Variants in FOXO1 observed in about 807,000 individuals in gnomAD.
FOXO1 encodes forkhead box O1.
FOXO1 carries 6 observed loss-of-function variants against 44.1 expected under a neutral mutation model. The ratio of observed to expected loss-of-function variants is 0.14; its 90% CI spans 0.07 to 0.27. FOXO1 has a LOEUF of 0.27. Ranked by LOEUF, FOXO1 falls within the 10% of genes least tolerant of loss-of-function variation. FOXO1 has a pLI of 1.00. For missense variants in FOXO1, 737 were observed against 888.8 expected (o/e 0.83, Z 2.17); for synonymous variants, 380 against 362.7 (o/e 1.05, Z -0.54).
chr13:40,575,958 G>T (rs1874728115), intron 1 of FOXO1, among the ~76,000 whole-genome samples: 1 of 152,184 alleles, frequency 6.6e-6, no homozygotes, highest in African/African-American at 2.4e-5. Context: ...ACTATGTGGT[G>T]GTGCAGAACA....
At chr13:40,578,087 G>C (rs1291944719) in intron 1 of FOXO1, among the ~76,000 whole-genome samples, 1 of 152,112 alleles carries the variant, frequency 6.6e-6, no homozygotes, top group Non-Finnish European at 1.5e-5. Flanking sequence ...TTGCCATCTA[G>C]TAAAAGCAAA....
chr13:40,640,264 C>A (rs1010526637), intron 1 of FOXO1, among the ~76,000 whole-genome samples: 1 of 152,170 alleles, frequency 6.6e-6, no homozygotes, highest in Admixed American at 6.5e-5. Flanking sequence ...ACTGTGATTT[C>A]TTTTAAAGGA....
rs61963317 is a variant in FOXO1 at position 40,664,211 on chromosome 13, T to C, written c.630+1372A>G. 3.5e-3 allele frequency among the ~76,000 whole-genome samples: 539 copies of C among 152,172 alleles called. 4 individuals carry two copies. Among genetic ancestry groups the C allele is most frequent in the Non-Finnish European group, 6.2e-3 (423 of 67,984 alleles). ...TCGCTTGAACCAGAGAGTCGGAGGT[T>C]GCAGTGAGCCGAGATCGCGCCACGG... On this transcript the variant is annotated intron_variant, in intron 1 of 2. Coordinates refer to ENST00000379561, the MANE Select transcript of FOXO1 (RefSeq NM_002015.4).
At chr13:40,561,090 C>A (rs1351589928) in intron 1 of FOXO1, among the ~76,000 whole-genome samples, 1 of 152,172 alleles carries the variant, frequency 6.6e-6, no homozygotes, top group East Asian at 1.9e-4. Context: ...CGGTGGCTCA[C>A]GCCTGTAATC....
At chr13:40,626,176 A>G (rs1336811459) in intron 1 of FOXO1, among the ~76,000 whole-genome samples, 3 of 152,214 alleles carry the variant, frequency 2.0e-5, no homozygotes, top group Non-Finnish European at 2.9e-5. Context: ...GACATATTCT[A>G]TTTAAATAGA....
chr13:40,619,545 A>C (rs964812927), intron 1 of FOXO1: 20 of 1,384,850 alleles, frequency 1.4e-5, no homozygotes, highest in East Asian at 4.6e-5. Flanking sequence ...AAATTCATGG[A>C]GATTATACAA....
intron 1 of FOXO1, among the ~76,000 whole-genome samples, chr13:40,625,393 A>G (rs1876753613): frequency 6.6e-6 from 1 of 152,210 alleles, no homozygotes; most frequent in African/African-American, 2.4e-5. Flanking sequence ...TGTGGTCTCC[A>G]ATGCTGATGG....
intron 1 of FOXO1, among the ~76,000 whole-genome samples, chr13:40,627,116 C>T (rs1566079262): frequency 6.6e-6 from 1 of 152,140 alleles, no homozygotes; most frequent in Non-Finnish European, 1.5e-5. Context: ...CAGGTCCATC[C>T]CTATCCAAGC....
chr13:40,647,496 CTGGG>C (rs994104823), intron 1 of FOXO1, among the ~76,000 whole-genome samples: 13 of 152,284 alleles, frequency 8.5e-5, no homozygotes, highest in African/African-American at 2.2e-4. Context: ...CCTCCACTTC[CTGGG>C]TTCAAGCAAT....
chr13:40,623,276 C>A (rs1329961949), intron 1 of FOXO1, among the ~76,000 whole-genome samples: 1 of 151,134 alleles, frequency 6.6e-6, no homozygotes, highest in Middle Eastern at 3.2e-3. Flanking sequence ...CTTTTTTTTT[C>A]CAAAAGTGAC....
intron 1 of FOXO1, among the ~76,000 whole-genome samples, chr13:40,597,828 T>C (rs1414777637): frequency 6.6e-6 from 1 of 152,136 alleles, no homozygotes; most frequent in Non-Finnish European, 1.5e-5. Flanking sequence ...ATTAGAGGTG[T>C]GCTTCAAAAT....
chr13:40,626,160 A>G (rs183188521), intron 1 of FOXO1, among the ~76,000 whole-genome samples: 1 of 152,302 alleles, frequency 6.6e-6, no homozygotes, highest in East Asian at 1.9e-4. Context: ...AAAACATCTA[A>G]TATATGACAT....
chr13:40,618,940 A>C, intron 1 of FOXO1: 1 of 526,380 alleles, frequency 1.9e-6, no homozygotes, highest in Admixed American at 1.9e-5. Context: ...AAGAACTGCA[A>C]CAGTGGTTAG....
chr13:40,650,641 T>A (rs1407786384), intron 1 of FOXO1, among the ~76,000 whole-genome samples: 1 of 152,204 alleles, frequency 6.6e-6, no homozygotes, highest in Non-Finnish European at 1.5e-5. Flanking sequence ...AAGACCAACC[T>A]AAACACTCAA....
chr13:40,613,255 A>C (rs1480583871), intron 1 of FOXO1, among the ~76,000 whole-genome samples: 1 of 152,104 alleles, frequency 6.6e-6, no homozygotes, highest in Non-Finnish European at 1.5e-5. Context: ...GAACAGCTAT[A>C]AGTAAAAGAG....
intron 1 of FOXO1, among the ~76,000 whole-genome samples, chr13:40,635,603 C>G (rs1254385331): frequency 6.6e-6 from 1 of 152,200 alleles, no homozygotes; most frequent in Non-Finnish European, 1.5e-5. Context: ...TTCATTACCA[C>G]GAGTCTGGAA....
chr13:40,593,457 C>T (rs1231259941), intron 1 of FOXO1, among the ~76,000 whole-genome samples: 1 of 152,196 alleles, frequency 6.6e-6, no homozygotes, highest in African/African-American at 2.4e-5. Context: ...TACAATCATT[C>T]CAGGATGTCA....
chr13:40,560,234 T>G lies in FOXO1; in HGVS notation c.1257A>C (p.Pro419=), dbSNP rs757493915. 17 of 1,614,050 alleles carry G rather than the reference T, an allele frequency of 1.1e-5. No homozygotes were observed. Among genetic ancestry groups the G allele is most frequent in the Non-Finnish European group, 1.3e-5 (15 of 1,180,048 alleles). ...GGCCATATGTATATTTTTGGTAGTT[T>G]GGGCTGGGTGAATTCAAACTGGTGT... The part of the protein sequence containing the change: ...PPNTSLNSPS[P]NYQKYTYGQS... Residue 419 remains proline (P), a synonymous_variant, in exon 2 of 3, where the codon CCA becomes CCC. Coordinates refer to ENST00000379561, the MANE Select transcript of FOXO1 (RefSeq NM_002015.4). This position sits in a 1 kb window ranked among gnomAD's most constrained non-coding sequence, Gnocchi z 5.1.
chr13:40,659,683 G>GA (rs1247277052), intron 1 of FOXO1, among the ~76,000 whole-genome samples: 4 of 150,144 alleles, frequency 2.7e-5, no homozygotes, highest in East Asian at 3.9e-4. Context: ...ATGGATGAAA[G>GA]AAAAAAAAAG....
Sources: allele counts gnomAD v4.1 joint callset (sites outside exome capture counted in the v4.1 genomes callset), GRCh38; gene constraint gnomAD v4.1.1; non-coding constraint Gnocchi (gnomAD v3.1); transcripts MANE v1.5; gene names NCBI Gene and HGNC (gene_info 2026-07-23, HGNC 2026-07-21).